Variants in KHDC1 observed in about 807,000 individuals in gnomAD.
The protein encoded by KHDC1 is KH domain containing 1, also known as KH homology domain-containing protein 1.
In KHDC1, 21 loss-of-function variants were observed where a neutral mutation model predicts 24.7. That is an observed-to-expected ratio of 0.85 (90% confidence interval 0.60 to 1.23). The LOEUF is 1.23. KHDC1 is among the 50% of genes most tolerant of loss of function. KHDC1 has a pLI of 0.00. For missense variants in KHDC1, 274 were observed against 298.5 expected (o/e 0.92, Z 0.61); for synonymous variants, 98 against 111.7 (o/e 0.88, Z 0.77).
At chr6:73,266,915 G>A (rs145785326) in intron 2 of KHDC1, among the ~76,000 whole-genome samples, 5 of 152,312 alleles carry the variant, frequency 3.3e-5, no homozygotes, top group Admixed American at 1.3e-4. Flanking sequence ...GTAGCCAAGT[G>A]CATTGGCACA....
chr6:73,242,284 T>G (rs1349542086), intron 3 of KHDC1, 47 bp from the exon 3 acceptor site: 3 of 1,604,804 alleles, frequency 1.9e-6, no homozygotes, highest in Non-Finnish European at 2.6e-6. Flanking sequence ...CACCAGCCCT[T>G]AGGGAATGGG....
intron 2 of KHDC1, chr6:73,263,151 G>A (rs1045778150): frequency 1.1e-5 from 11 of 987,996 alleles, no homozygotes; most frequent in Non-Finnish European, 1.3e-5. Flanking sequence ...CCTTCCAGGG[G>A]TCCCGGCTCG....
At chr6:73,297,347 C>CATG (rs1405036055) in intron 1 of KHDC1, among the ~76,000 whole-genome samples, 5 of 152,130 alleles carry the variant, frequency 3.3e-5, no homozygotes, top group African/African-American at 1.2e-4. Flanking sequence ...ATATAGATTT[C>CATG]ATGATGATGA....
chr6:73,271,904 TAAG>T (rs148994264), intron 2 of KHDC1, among the ~76,000 whole-genome samples: 8,416 of 150,988 alleles, frequency 0.056, 269 homozygotes, highest in African/African-American at 0.09. Flanking sequence ...CAAAAAAAAA[TAAG>T]AAGACTGAGG....
At chr6:73,249,824 A>G (rs1413845103) in intron 2 of KHDC1, among the ~76,000 whole-genome samples, 1 of 152,094 alleles carries the variant, frequency 6.6e-6, no homozygotes, top group Non-Finnish European at 1.5e-5. Flanking sequence ...ATCATAGCTC[A>G]CTGCAGTCTC....
chr6:73,263,335 A>G, intron 2 of KHDC1, 139 bp from the exon 1 acceptor site: 1 of 962,238 alleles, frequency 1.0e-6, no homozygotes, highest in Non-Finnish European at 1.2e-6. Context: ...GAGTCCAGGA[A>G]GCAAGGGTGG....
At chr6:73,297,495 G>A (rs1366852386) in intron 1 of KHDC1, among the ~76,000 whole-genome samples, 1 of 152,096 alleles carries the variant, frequency 6.6e-6, no homozygotes, top group Non-Finnish European at 1.5e-5. Flanking sequence ...ATTCTTACAA[G>A]TAGGAGTATA....
At chr6:73,252,036 A>G (rs1161376095) in intron 2 of KHDC1, among the ~76,000 whole-genome samples, 4 of 142,500 alleles carry the variant, frequency 2.8e-5, no homozygotes, top group South Asian at 4.4e-4. Context: ...GGCCTAAATC[A>G]TATCTTTTTT....
chr6:73,308,282 GC>G, intron 1 of KHDC1, among the ~76,000 whole-genome samples: 1 of 151,926 alleles, frequency 6.6e-6, no homozygotes, highest in South Asian at 2.1e-4. Context: ...CACCGTGTTA[GC>G]CAGGGTGGTC....
chr6:73,309,700 G>C, exon 1 of KHDC1: 1 of 1,550,230 alleles, frequency 6.5e-7, no homozygotes, highest in South Asian at 1.2e-5. Flanking sequence ...ACAGCCTCTG[G>C]AAGGCCGACA....
chr6:73,241,609 C>T lies in KHDC1; in HGVS notation c.634G>A (p.Val212Met), dbSNP rs367849614. 1.1e-4 allele frequency: 179 copies of T among 1,614,174 alleles called. 1 individual carries two copies. Among genetic ancestry groups the T allele is most frequent in the Admixed American group, 1.8e-4 (11 of 60,024 alleles). ...GAAGGCTGAGGAACGCTAAGACACA[C>T]GGTTCCACTTATCCTGGGAGCCAAA... The change falls in exon 5 of 5, where the codon GTG (valine) becomes ATG (methionine). Residue 212 changes from valine to methionine, a missense_variant. Coordinates refer to ENST00000370384, the Ensembl canonical transcript of KHDC1.
intron 1 of KHDC1, among the ~76,000 whole-genome samples, chr6:73,295,588 G>A (rs1404594956): frequency 6.6e-6 from 1 of 152,138 alleles, no homozygotes; most frequent in Non-Finnish European, 1.5e-5. Flanking sequence ...GCTCACGCCT[G>A]TAATCCTAGC....
chr6:73,266,609 C>G (rs1767081274), intron 2 of KHDC1, among the ~76,000 whole-genome samples: 1 of 152,126 alleles, frequency 6.6e-6, no homozygotes, highest in African/African-American at 2.4e-5. Flanking sequence ...TTACCTTATA[C>G]CAGATACAGA....
chr6:73,287,012 G>A (rs1391884185), intron 2 of KHDC1, among the ~76,000 whole-genome samples: 1 of 152,162 alleles, frequency 6.6e-6, no homozygotes. Flanking sequence ...CACACTAAGT[G>A]AGGTAGAAAT....
chr6:73,250,845 A>G lies in KHDC1; in HGVS notation c.207-8315T>C, dbSNP rs2034738. ...CAAGTTACAGAATATTAAGCATCAA[A>G]TAATTTTTTTTTGAAATCGAGTCTC... is the stretch of plus-strand genomic sequence containing the variant. On this transcript the variant is annotated intron_variant, in intron 2 of 4. Transcript: ENST00000370384. Among the ~76,000 whole-genome samples the G allele has an allele frequency of 4.5e-3, 688 of 152,318 alleles. 1 individual carries two copies. Among genetic ancestry groups the G allele is most frequent in the Non-Finnish European group, 7.4e-3 (504 of 68,026 alleles).
At chr6:73,279,277 C>T (rs1161089769) in intron 2 of KHDC1, among the ~76,000 whole-genome samples, 1 of 152,096 alleles carries the variant, frequency 6.6e-6, no homozygotes, top group Non-Finnish European at 1.5e-5. Context: ...GGCATAGTGG[C>T]GCACACCTGT....
chr6:73,284,153 G>T (rs1387725196), intron 2 of KHDC1, among the ~76,000 whole-genome samples: 1 of 152,132 alleles, frequency 6.6e-6, no homozygotes, highest in African/African-American at 2.4e-5. Context: ...TAAGACTAAT[G>T]AAAACCCACA....
intron 2 of KHDC1, among the ~76,000 whole-genome samples, 172 bp downstream of exon 1, chr6:73,262,602 A>G (rs1263876421): frequency 6.6e-6 from 1 of 151,934 alleles, no homozygotes; most frequent in African/African-American, 2.4e-5. Context: ...AAATGTCCCC[A>G]AATCAATTAA....
intron 1 of KHDC1, chr6:73,292,529 A>C (rs1767675833): frequency 2.6e-6 from 2 of 769,140 alleles, no homozygotes; most frequent in East Asian, 4.9e-5. Context: ...GGAAGACCTT[A>C]CATGGTTAAA....
Sources: gnomAD v4.1 joint callset for allele counts (sites outside exome capture counted in the v4.1 genomes callset) on GRCh38, gnomAD v4.1.1 for gene constraint, MANE v1.5 for transcripts, NCBI Gene and HGNC (gene_info 2026-07-23, HGNC 2026-07-21) for gene names.